CMSS1: variants seen among roughly 807,000 people sequenced by gnomAD.
The protein encoded by CMSS1 is protein CMSS1.
CMSS1 carries 33 observed loss-of-function variants against 43.5 expected under a neutral mutation model. That is an observed-to-expected ratio of 0.76 (90% CI 0.57 to 1.01). CMSS1 has a LOEUF of 1.01. Among genes scored for constraint, CMSS1 ranks in the 50% least tolerant of loss-of-function variants. The pLI is 0.00. For missense variants in CMSS1, 313 were observed against 326.4 expected (o/e 0.96, Z 0.32); for synonymous variants, 115 against 117.2 (o/e 0.98, Z 0.12).
At position 99,849,217 on chromosome 3, in the gene CMSS1, C is replaced by A. The variant is rs201546638; in HGVS notation, c.64+31174C>A. 3 of 1,614,106 alleles carry A rather than the reference C, an allele frequency of 1.9e-6. No individual in the cohort carries two copies. The South Asian group carries it at 3.3e-5, about 18-fold the overall frequency. On this transcript the variant is annotated intron_variant, in intron 1 of 9. Transcript: ENST00000421999. ...ATATAACTGACCATTGATGACTGCA[C>A]GTTCCAGAGGAATGAGGCTCTTGTA...
intron 1 of CMSS1, among the ~76,000 whole-genome samples, chr3:99,864,025 C>T (rs1944387832): frequency 6.6e-6 from 1 of 152,126 alleles, no homozygotes; most frequent in South Asian, 2.1e-4. Flanking sequence ...TTTACAACTT[C>T]ATGCTAAAGA....
At chr3:100,116,910 T>C (rs561886355) in intron 1 of CMSS1, among the ~76,000 whole-genome samples, 1 of 152,334 alleles carries the variant, frequency 6.6e-6, no homozygotes, top group African/African-American at 2.4e-5. Flanking sequence ...GTCAAAATTT[T>C]TTAAATAAAA....
intron 1 of CMSS1, among the ~76,000 whole-genome samples, chr3:99,832,961 C>T (rs573589793): frequency 1.4e-5 from 2 of 146,200 alleles, no homozygotes; most frequent in Non-Finnish European, 3.0e-5. Flanking sequence ...TTTTATAGAG[C>T]GTTATGTCAA....
intron 1 of CMSS1, among the ~76,000 whole-genome samples, chr3:100,044,256 G>T (rs2065247149): frequency 6.6e-6 from 1 of 152,176 alleles, no homozygotes; most frequent in Non-Finnish European, 1.5e-5. Context: ...CGATGCAGTT[G>T]TTTACAAGAT....
chr3:100,018,124 C>T (rs1020913191), intron 1 of CMSS1, among the ~76,000 whole-genome samples: 2 of 152,050 alleles, frequency 1.3e-5, no homozygotes, highest in Non-Finnish European at 1.5e-5. Flanking sequence ...GTCAAGAGAT[C>T]GAGACCATCT....
At chr3:100,159,106 T>G (rs1030406059) in intron 2 of CMSS1, among the ~76,000 whole-genome samples, 1 of 152,222 alleles carries the variant, frequency 6.6e-6, no homozygotes, top group African/African-American at 2.4e-5. Flanking sequence ...CAGTCTCTAA[T>G]TGGCATGTAC....
chr3:99,836,817 A>T (rs1328857128), intron 1 of CMSS1, among the ~76,000 whole-genome samples: 1 of 152,196 alleles, frequency 6.6e-6, no homozygotes, highest in African/African-American at 2.4e-5. Context: ...TCTTCCAGTA[A>T]CCTGGCTGGC....
chr3:99,821,113 C>A (rs1559645218), intron 1 of CMSS1, among the ~76,000 whole-genome samples: 2 of 152,074 alleles, frequency 1.3e-5, no homozygotes, highest in Non-Finnish European at 2.9e-5. Context: ...TGGCTGTTAT[C>A]ATGTCTTCTT....
At chr3:99,834,439 T>C (rs976300391) in intron 1 of CMSS1, among the ~76,000 whole-genome samples, 5 of 152,236 alleles carry the variant, frequency 3.3e-5, no homozygotes, top group African/African-American at 1.2e-4. Context: ...GTGGAAATTA[T>C]ACAGTCAGCA....
chr3:100,013,317 C>T (rs1381337536), intron 1 of CMSS1, among the ~76,000 whole-genome samples: 1 of 151,936 alleles, frequency 6.6e-6, no homozygotes, highest in Non-Finnish European at 1.5e-5. Context: ...GATCTCAGCT[C>T]ACTGAATCCT....
At chr3:99,903,371 C>A in intron 1 of CMSS1, among the ~76,000 whole-genome samples, 1 of 152,008 alleles carries the variant, frequency 6.6e-6, no homozygotes, top group Non-Finnish European at 1.5e-5. Flanking sequence ...CCTGCCTCAG[C>A]CTCCTGAGTA....
At chr3:99,880,746 G>C (rs1314148331) in intron 1 of CMSS1, among the ~76,000 whole-genome samples, 2 of 151,994 alleles carry the variant, frequency 1.3e-5, no homozygotes, top group Admixed American at 6.5e-5. Flanking sequence ...ATGCATAAAA[G>C]TAAAAAATTT....
At chr3:99,882,172 T>TA (rs1482818290) in intron 1 of CMSS1, among the ~76,000 whole-genome samples, 1 of 152,152 alleles carries the variant, frequency 6.6e-6, no homozygotes, top group Non-Finnish European at 1.5e-5. Context: ...ATCCAGGAAG[T>TA]AAAAAAATAA....
rs6765822 is a variant in CMSS1 at position 100,014,200 on chromosome 3, A to G, written c.65-132773A>G. On this transcript the variant is annotated intron_variant, in intron 1 of 9. Coordinates refer to ENST00000421999, the MANE Select transcript of CMSS1 (RefSeq NM_032359.4). ...GTAGTATTACATTGTATATGTATAT[A>G]TATATTATATATATATCACATTTTC... Among the ~76,000 whole-genome samples, 685 of 150,988 alleles carry G rather than the reference A, an allele frequency of 4.5e-3. 7 individuals are homozygous for G. Among genetic ancestry groups the G allele is most frequent in the African/African-American group, 0.016 (671 of 41,298 alleles).
At chr3:99,830,862 C>T (rs768672044) in intron 1 of CMSS1, among the ~76,000 whole-genome samples, 4 of 152,104 alleles carry the variant, frequency 2.6e-5, no homozygotes, top group South Asian at 4.1e-4. Context: ...TTGGCAATCA[C>T]GGTGTAGTAG....
chr3:100,032,781 A>G (rs1054798808), intron 1 of CMSS1, among the ~76,000 whole-genome samples: 1 of 152,228 alleles, frequency 6.6e-6, no homozygotes, highest in Non-Finnish European at 1.5e-5. Context: ...ATGGTAATGC[A>G]GTTGTGTGTA....
At chr3:100,028,242 C>T (rs752200159) in intron 1 of CMSS1, among the ~76,000 whole-genome samples, 2 of 152,182 alleles carry the variant, frequency 1.3e-5, no homozygotes, top group South Asian at 4.1e-4. Context: ...CTCAGACACA[C>T]TGAAGCTAAG....
intron 1 of CMSS1, among the ~76,000 whole-genome samples, chr3:99,989,323 A>G (rs575435160): frequency 6.6e-6 from 1 of 152,296 alleles, no homozygotes; most frequent in East Asian, 1.9e-4. Flanking sequence ...GATTCTAGGT[A>G]CTAAATGTAG....
At chr3:100,153,153 C>G (rs1452592313) in intron 2 of CMSS1, among the ~76,000 whole-genome samples, 1 of 152,140 alleles carries the variant, frequency 6.6e-6, no homozygotes, top group African/African-American at 2.4e-5. Context: ...ATTGAAAAAA[C>G]AGGATCATCA....
Sources: gnomAD v4.1 joint callset for allele counts (sites outside exome capture counted in the v4.1 genomes callset) on GRCh38, gnomAD v4.1.1 for gene constraint, MANE v1.5 for transcripts, NCBI Gene and HGNC (gene_info 2026-07-23, HGNC 2026-07-21) for gene names.